RABGAP1L: variants seen among roughly 807,000 people sequenced by gnomAD.
The protein encoded by RABGAP1L is RAB GTPase activating protein 1 like.
RABGAP1L carries 63 observed loss-of-function variants against 137.7 expected under a neutral mutation model. The observed-to-expected ratio is 0.46, with a 90% CI of 0.37 to 0.56. The LOEUF (loss-of-function observed/expected upper bound fraction) is 0.56. Among genes scored for constraint, RABGAP1L ranks in the 20% least tolerant of loss-of-function variants. The probability of loss-of-function intolerance (pLI) is 0.00; values close to 1 mark genes in which losing one functional copy is unlikely to be tolerated. For synonymous variants in RABGAP1L, 431 were observed against 433.7 expected (o/e 0.99, Z 0.08); for missense variants, 1,095 against 1,244.0 (o/e 0.88, Z 1.80).
chr1:174,209,497 A>T (rs1668726642), intron 1 of RABGAP1L, among the ~76,000 whole-genome samples: 2 of 152,186 alleles, frequency 1.3e-5, no homozygotes, highest in South Asian at 4.1e-4. Flanking sequence ...TGGCCACAGG[A>T]TAAGGCTCCT....
At chr1:174,965,294 G>C (rs1669518297) in intron 20 of RABGAP1L, among the ~76,000 whole-genome samples, 1 of 152,172 alleles carries the variant, frequency 6.6e-6, no homozygotes, top group African/African-American at 2.4e-5. Flanking sequence ...CAGGCTTTGA[G>C]CATTTAGCAC....
intron 19 of RABGAP1L, among the ~76,000 whole-genome samples, chr1:174,889,279 A>G (rs1398356721): frequency 1.3e-5 from 2 of 151,838 alleles, no homozygotes; most frequent in Non-Finnish European, 2.9e-5. Flanking sequence ...GCCTGCCACC[A>G]CACCAGGCTA....
intron 18 of RABGAP1L, among the ~76,000 whole-genome samples, chr1:174,784,559 T>A (rs542570399): frequency 1.5e-4 from 23 of 152,178 alleles, no homozygotes; most frequent in Non-Finnish European, 2.8e-4. Context: ...TAATGTTTTA[T>A]TTTGTAAAGG....
intron 18 of RABGAP1L, among the ~76,000 whole-genome samples, chr1:174,805,797 C>T (rs969470349): frequency 2.6e-5 from 4 of 152,082 alleles, no homozygotes; most frequent in Admixed American, 6.6e-5. Context: ...CCACTGCGCC[C>T]GGCCTATTAG....
At chr1:174,386,489 GTGTT>G (rs1686787616) in intron 12 of RABGAP1L, among the ~76,000 whole-genome samples, 1 of 151,606 alleles carries the variant, frequency 6.6e-6, no homozygotes. Flanking sequence ...GTGTGTGTGT[GTGTT>G]TGTGTGTGTT....
At chr1:174,208,134 G>GC (rs1159167165) in intron 1 of RABGAP1L, among the ~76,000 whole-genome samples, 1 of 151,992 alleles carries the variant, frequency 6.6e-6, no homozygotes, top group Non-Finnish European at 1.5e-5. Flanking sequence ...TTTTTCCCTT[G>GC]CTATTGTAAA....
intron 17 of RABGAP1L, among the ~76,000 whole-genome samples, chr1:174,738,450 A>G (rs1391715876): frequency 6.6e-6 from 1 of 152,210 alleles, no homozygotes; most frequent in African/African-American, 2.4e-5. Flanking sequence ...CTTGTAAAAT[A>G]TATAGAAATC....
intron 1 of RABGAP1L, among the ~76,000 whole-genome samples, chr1:174,197,972 A>C (rs764279749): frequency 2.6e-5 from 4 of 152,130 alleles, no homozygotes; most frequent in Non-Finnish European, 5.9e-5. Context: ...GGTTGTGTGA[A>C]TGTTGTATGA....
At chr1:174,681,942 T>C (rs1395652735) in intron 14 of RABGAP1L, among the ~76,000 whole-genome samples, 1 of 152,178 alleles carries the variant, frequency 6.6e-6, no homozygotes, top group Non-Finnish European at 1.5e-5. Context: ...TGGGATGAGA[T>C]ACATATCCTG....
intron 13 of RABGAP1L, among the ~76,000 whole-genome samples, chr1:174,474,693 C>T (rs1222535872): frequency 6.6e-6 from 1 of 152,148 alleles, no homozygotes; most frequent in Non-Finnish European, 1.5e-5. Context: ...ACCTCCTCCT[C>T]CTGGGTTCCA....
chr1:174,489,764 G>T (rs1033122218), intron 13 of RABGAP1L, among the ~76,000 whole-genome samples: 1 of 152,134 alleles, frequency 6.6e-6, no homozygotes, highest in Non-Finnish European at 1.5e-5. Flanking sequence ...CAATAGCAAA[G>T]ACTTGGAACC....
rs188727507 is a variant in RABGAP1L at position 174,534,268 on chromosome 1, T to C, written c.1711-103107T>C. 4.7e-3 allele frequency among the ~76,000 whole-genome samples: 715 copies of C among 152,066 alleles called. 9 individuals are homozygous for C. Among genetic ancestry groups the C allele is most frequent in the South Asian group, 0.033 (160 of 4,808 alleles). The stretch of plus-strand genomic sequence containing the variant: ...AATATGATCGTCTACAGTTTGCTTT[T>C]ACAGCTCAATAGTTTAAAAACAAAA... On this transcript the variant is annotated intron_variant, in intron 13 of 25. Transcript: ENST00000681986.
intron 18 of RABGAP1L, among the ~76,000 whole-genome samples, chr1:174,785,591 T>C (rs1441115074): frequency 3.9e-5 from 6 of 152,216 alleles, no homozygotes; most frequent in African/African-American, 1.4e-4. Flanking sequence ...AATAATGCGT[T>C]CTCATTTCAG....
At chr1:174,875,095 T>C (rs1223622602) in intron 19 of RABGAP1L, among the ~76,000 whole-genome samples, 4 of 152,252 alleles carry the variant, frequency 2.6e-5, no homozygotes, top group African/African-American at 9.6e-5. Context: ...TTGAAGGTTA[T>C]AAATTATAGA....
chr1:174,312,053 C>A (rs144159752), intron 11 of RABGAP1L, among the ~76,000 whole-genome samples: 49 of 152,300 alleles, frequency 3.2e-4, no homozygotes, highest in African/African-American at 1.1e-3. Context: ...GCAACAAACA[C>A]AGGAGTACAC....
intron 3 of RABGAP1L, among the ~76,000 whole-genome samples, chr1:174,221,516 CTTA>C (rs1000786937): frequency 6.6e-6 from 1 of 152,164 alleles, no homozygotes; most frequent in African/African-American, 2.4e-5. Flanking sequence ...TTTCACTACA[CTTA>C]TTTAAAGTTA....
chr1:174,608,669 A>G (rs1309169206), intron 13 of RABGAP1L, among the ~76,000 whole-genome samples: 1 of 152,178 alleles, frequency 6.6e-6, no homozygotes, highest in African/African-American at 2.4e-5. Flanking sequence ...TTCAGATGGA[A>G]TGGAATAAGT....
intron 13 of RABGAP1L, among the ~76,000 whole-genome samples, chr1:174,607,979 T>C (rs557036546): frequency 6.1e-4 from 93 of 152,184 alleles, no homozygotes; most frequent in Non-Finnish European, 8.2e-4. Context: ...ATTTGTTTCA[T>C]GTGGGTACAA....
Position 174,329,868 on chromosome 1 carries a change from A to C in RABGAP1L, c.1465+24741A>C, listed in dbSNP as rs561491527. Among the ~76,000 whole-genome samples, 3 of 151,636 alleles carry C rather than the reference A, an allele frequency of 2.0e-5. No homozygotes were observed. The South Asian group carries it at 6.2e-4, about 31-fold the overall frequency. The stretch of plus-strand genomic sequence containing the variant: ...ATGATAAAACCACAGCTAACATCAT[A>C]TTAAACAAGGAAAATTTCATAATAA... On this transcript the variant is annotated intron_variant, in intron 11 of 25. Transcript: ENST00000681986.
Sources: gnomAD v4.1 joint callset for allele counts (sites outside exome capture counted in the v4.1 genomes callset) on GRCh38, gnomAD v4.1.1 for gene constraint, MANE v1.5 for transcripts, NCBI Gene and HGNC (gene_info 2026-07-23, HGNC 2026-07-21) for gene names.